The following TKTL1 variants were observed in gnomAD, a reference collection of about 807,000 sequenced individuals.
TKTL1 encodes the protein transketolase like 1.
A neutral mutation model predicts 39.3 loss-of-function variants in TKTL1; 1 was observed. That is an observed-to-expected ratio of 0.03 (90% CI 0.01 to 0.12). The LOEUF is 0.12. TKTL1 is among the 10% of genes least tolerant of loss of function. The probability of loss-of-function intolerance (pLI) is 1.00; values close to 1 mark genes in which losing one functional copy is unlikely to be tolerated. For missense variants in TKTL1, 575 were observed against 509.6 expected (o/e 1.13, Z -1.24); for synonymous variants, 262 against 193.8 (o/e 1.35, Z -2.92).
intron 8 of TKTL1, among the ~76,000 whole-genome samples, chrX:154,322,908 AG>A (rs1204333328): frequency 8.9e-6 from 1 of 112,024 alleles, no homozygotes; most frequent in Admixed American, 9.5e-5. Context: ...GGCCAAACTC[AG>A]GCCACCAATG....
intron 1 of TKTL1, among the ~76,000 whole-genome samples, chrX:154,301,443 G>T (rs1367835610): frequency 2.7e-5 from 3 of 111,557 alleles, no homozygotes; most frequent in Admixed American, 9.5e-5. Flanking sequence ...CTTGAACCCG[G>T]AAGGTGGAGG....
chrX:154,326,390 C>CT (rs1569551176), intron 10 of TKTL1, among the ~76,000 whole-genome samples: 1 of 112,453 alleles, frequency 8.9e-6, no homozygotes, highest in East Asian at 2.8e-4. Context: ...TCCTTCCTGT[C>CT]TTTGTTCTAG....
intron 6 of TKTL1, among the ~76,000 whole-genome samples, chrX:154,313,715 C>T (rs2067375541): frequency 9.0e-6 from 1 of 111,052 alleles, no homozygotes; most frequent in Non-Finnish European, 1.9e-5. Flanking sequence ...GACAGGAAGA[C>T]CACTTGAGCC....
rs1272532883 is a variant in TKTL1, at chrX:154,323,135, G to A, written c.1187-72G>A. ...CAATAGGAATAATTGCTTCTTCAGA[G>A]CTAGAAGTGGGTGGAGGGCAGGTTC... On this transcript the variant is annotated intron_variant, in intron 8 of 12. Coordinates refer to ENST00000369915, the MANE Select transcript of TKTL1 (RefSeq NM_012253.4). 11 of 1,161,947 alleles carry A rather than the reference G, an allele frequency of 9.5e-6. No homozygotes were observed. In the African/African-American group the frequency reaches 1.8e-4, roughly 19 times the overall value.
At chrX:154,304,556 A>C (rs1319883995) in intron 1 of TKTL1, among the ~76,000 whole-genome samples, 1 of 109,349 alleles carries the variant, frequency 9.1e-6, no homozygotes, top group Admixed American at 9.6e-5. Flanking sequence ...TGATCATGCC[A>C]CTGCACTCCA....
At chrX:154,307,755 T>TC (rs2067326273) in intron 2 of TKTL1, among the ~76,000 whole-genome samples, 1 of 112,498 alleles carries the variant, frequency 8.9e-6, no homozygotes. Flanking sequence ...TTATAGGACT[T>TC]CCAAGGGCAT....
chrX:154,319,019 GATT>G (rs1214247432), intron 7 of TKTL1, among the ~76,000 whole-genome samples: 1 of 110,929 alleles, frequency 9.0e-6, no homozygotes, highest in Non-Finnish European at 1.9e-5. Context: ...ATAGAATTTT[GATT>G]ATTATTAGCT....
chrX:154,319,404 A>G (rs1335738585), intron 7 of TKTL1, among the ~76,000 whole-genome samples: 1 of 112,023 alleles, frequency 8.9e-6, no homozygotes, highest in African/African-American at 3.2e-5. Context: ...GGCTGAGAGC[A>G]TGCCCTTTGG....
intron 10 of TKTL1, chrX:154,327,144 C>T (rs2067499059): frequency 8.1e-6 from 2 of 245,723 alleles, no homozygotes; most frequent in Non-Finnish European, 1.5e-5. Flanking sequence ...CCCAGCCCTG[C>T]CCTGGGCCAC....
chrX:154,327,387 G>A (rs1557172176), intron 10 of TKTL1: 2 of 558,660 alleles, frequency 3.6e-6, no homozygotes, highest in Admixed American at 4.5e-5. Flanking sequence ...GCGTATCCAT[G>A]CTCCAGGACA....
In TKTL1 at chrX:154,325,191, T is replaced by A. The variant is rs1557171666; in HGVS notation, c.1318-148T>A. 3 of 529,254 alleles carry A rather than the reference T, an allele frequency of 5.7e-6. No homozygotes were observed. In the East Asian group the frequency reaches 1.1e-4, roughly 19 times the overall value. 43.6% of individuals were successfully genotyped at this position (529,254 alleles called of 1,213,427 possible). On this transcript the variant is annotated intron_variant, in intron 9 of 12. Transcript: ENST00000369915. ...GGTCCTGCTGGGACCTGTCGTCCAC[T>A]GGTTGTAGATGCTCACCCCTTTCTC...
At chrX:154,328,089 A>C in intron 12 of TKTL1, 131 bp downstream of exon 12, 1 of 868,833 alleles carries the variant, frequency 1.2e-6, no homozygotes, top group Non-Finnish European at 1.6e-6. Context: ...TTTGATGTTC[A>C]CTAAGCGTGG....
chrX:154,309,333 C>G lies in TKTL1; in HGVS notation c.253-12C>G, dbSNP rs200362842. ...AGCTGCGTCTGGGCTCACTGGGTCC[C>G]TTCTCTTACAGAGACTGTCGTTTGT... On this transcript the variant is annotated splice_polypyrimidine_tract_variant and intron_variant, in intron 2 of 12. Coordinates refer to ENST00000369915, the MANE Select transcript of TKTL1 (RefSeq NM_012253.4). 126 of 1,203,777 alleles carry G rather than the reference C, an allele frequency of 1.0e-4. 1 individual carries two copies. The highest frequency in any genetic ancestry group is 1.7e-5 in the Non-Finnish European group (15 of 889,247).
chrX:154,309,435 A>G lies in TKTL1; in HGVS notation c.343A>G (p.Arg115Gly). The part of the protein sequence containing the change: ...GMAYTGKYFD[R>G]ASYRVFCLMS... ...GGCATATACTGGCAAGTACTTCGAC[A>G]GGGCCAGGTGAGGTTCTTCCCCAGA... Residue 115 changes from arginine to glycine, a missense_variant, in exon 3 of 13, where the codon AGG becomes GGG. Arg to Gly is a moderately radical substitution (Grantham distance 125). Transcript: ENST00000369915. 3 of 1,206,878 alleles carry G rather than the reference A, an allele frequency of 2.5e-6. No individual in the cohort carries two copies. The highest frequency in any genetic ancestry group is 3.4e-6 in the Non-Finnish European group (3 of 891,729).
intron 7 of TKTL1, among the ~76,000 whole-genome samples, chrX:154,316,230 C>T (rs1463467436): frequency 1.8e-5 from 2 of 110,946 alleles, no homozygotes; most frequent in Non-Finnish European, 3.8e-5. Flanking sequence ...CCACCACACC[C>T]GGCTAATTTT....
chrX:154,307,289 G>C (rs2067322699), intron 2 of TKTL1, among the ~76,000 whole-genome samples: 1 of 111,756 alleles, frequency 8.9e-6, no homozygotes, highest in African/African-American at 3.3e-5. Context: ...GGATGAAGAG[G>C]CTTTCTATCG....
intron 1 of TKTL1, among the ~76,000 whole-genome samples, chrX:154,298,003 G>T (rs374427925): frequency 9.0e-6 from 1 of 111,008 alleles, no homozygotes; most frequent in Non-Finnish European, 1.9e-5. Context: ...TTTATTGGGC[G>T]TTTTTTTTAT....
intron 12 of TKTL1, 87 bp downstream of exon 12, chrX:154,328,045 T>TA: frequency 9.1e-7 from 1 of 1,093,579 alleles, no homozygotes; most frequent in Non-Finnish European, 1.3e-6. Context: ...AGGCATCACC[T>TA]ATAGTCTACC....
intron 1 of TKTL1, among the ~76,000 whole-genome samples, chrX:154,302,704 T>G (rs1161056251): frequency 9.0e-6 from 1 of 111,628 alleles, no homozygotes; most frequent in Non-Finnish European, 1.9e-5. Flanking sequence ...AAATAGGGTT[T>G]TGTAGGTGAA....
Sources: allele counts gnomAD v4.1 joint callset (sites outside exome capture counted in the v4.1 genomes callset), GRCh38; gene constraint gnomAD v4.1.1; transcripts MANE v1.5; gene names NCBI Gene and HGNC (gene_info 2026-07-23, HGNC 2026-07-21).